The following ZNF266 variants were observed in gnomAD, a reference collection of about 807,000 sequenced individuals.
The protein encoded by ZNF266 is zinc finger protein 1.
Under a neutral mutation model 16.4 loss-of-function variants are expected in ZNF266, and 16 were observed. The ratio of observed to expected loss-of-function variants is 0.98; its 90% CI spans 0.66 to 1.48. The LOEUF is 1.48. Among genes scored for constraint, ZNF266 ranks in the 40% most tolerant of loss-of-function variants. The pLI, the probability that ZNF266 is intolerant of heterozygous loss-of-function variation, is 0.00. For synonymous variants in ZNF266, 262 were observed against 237.9 expected, an observed-to-expected ratio of 1.10 and a Z score of -0.93; for missense variants, 738 against 689.1, an observed-to-expected ratio of 1.07 and a Z score of -0.79.
Position 9,434,879 on chromosome 19 carries a change from A to C in ZNF266, c.-471-20T>G, listed in dbSNP as rs1268718403. On this transcript the variant is annotated intron_variant, in intron 2 of 10. Transcript: ENST00000592904. ...ACAGGCCTAGGAAGTTCAGATAAAA[A>C]GAATAGCTGAGTATTCTTGCTTTTC... The C allele has an allele frequency of 1.3e-5, 2 of 152,206 alleles. No individual in the cohort carries two copies. Among genetic ancestry groups the C allele is most frequent in the African/African-American group, 4.8e-5 (2 of 41,448 alleles). The allele number at this position is 152,206 out of a possible 1,614,324, so 9.4% of individuals were successfully genotyped here. A position where few individuals can be genotyped will look rare whatever the true frequency, so the allele number is the denominator to read the frequency against.
intron 9 of ZNF266, among the ~76,000 whole-genome samples, chr19:9,417,520 A>G (rs529804827): frequency 6.6e-6 from 1 of 152,184 alleles, no homozygotes; most frequent in Non-Finnish European, 1.5e-5. Flanking sequence ...TGAGATCAGG[A>G]GTTTGAGACC....
intron 5 of ZNF266, among the ~76,000 whole-genome samples, chr19:9,421,662 C>T (rs2069903806): frequency 6.6e-6 from 1 of 152,130 alleles, no homozygotes; most frequent in South Asian, 2.1e-4. Flanking sequence ...AATGTACATC[C>T]TATCTTCATT....
chr19:9,432,353 T>C (rs62103915), intron 5 of ZNF266, among the ~76,000 whole-genome samples: 12,648 of 152,272 alleles, frequency 0.083, 618 homozygotes, highest in South Asian at 0.21. Context: ...GTTTTTGAAA[T>C]TGGTTTGCCA....
intron 5 of ZNF266, among the ~76,000 whole-genome samples, chr19:9,421,497 CAA>C (rs2069878904): frequency 6.6e-6 from 1 of 152,162 alleles, no homozygotes. Context: ...AAAGCCTAAA[CAA>C]GATATAAAAC....
chr19:9,415,209 C>T (rs1027577665), intron 10 of ZNF266, among the ~76,000 whole-genome samples: 2 of 152,132 alleles, frequency 1.3e-5, no homozygotes, highest in East Asian at 1.9e-4. Context: ...GCACAAGAAT[C>T]GCTTGAACCC....
At position 9,413,478 on chromosome 19, in the gene ZNF266, T is replaced by C. The variant is rs762919177; in HGVS notation, c.1648A>G (p.Met550Val). 4.3e-6 allele frequency: 7 copies of C among 1,612,946 alleles called. No homozygotes were observed. The highest frequency in any genetic ancestry group is 1.7e-5 in the Admixed American group (1 of 59,984). ...GGTTTTTCTCCAGTGTGGATCCGCA[T>C]GTGAAGGTTAACACACGTGGGAAAC... ...FKFPTCVNLH[M>V]RIHTGEKPYK... is the part of the protein sequence containing the mutation. The change falls in exon 11 of 11, where the codon ATG (methionine) becomes GTG (valine). Residue 550 changes from methionine to valine, a missense_variant. Coordinates refer to ENST00000592904, the MANE Select transcript of ZNF266 (RefSeq NM_001370374.1).
Position 9,413,820 on chromosome 19 carries a change from TAGTA to T in ZNF266, c.1302_1305del (p.Thr435SerfsTer59). ...TCTCCACTGTGAGTTCGTGCATGCT[TAGTA>T]AGGTCTGAGTTCTGAGTGAAGGCTT... On this transcript the variant is annotated frameshift_variant, in exon 11 of 11. Transcript: ENST00000592904. LOFTEE classifies it low-confidence loss of function (END_TRUNC). 1 of 1,614,112 alleles carries T rather than the reference TAGTA, an allele frequency of 6.2e-7. No individual in the cohort carries two copies. Among genetic ancestry groups the T allele is most frequent in the Non-Finnish European group, 8.5e-7 (1 of 1,179,996 alleles).
intron 10 of ZNF266, among the ~76,000 whole-genome samples, chr19:9,415,190 C>G (rs7254687): frequency 0.61 from 92,598 of 152,010 alleles, 28,821 homozygotes; most frequent in African/African-American, 0.73. Context: ...AGCTACTCAG[C>G]AGGGTGAGGC....
chr19:9,421,112 T>C (rs2069808167), intron 5 of ZNF266, among the ~76,000 whole-genome samples: 1 of 152,288 alleles, frequency 6.6e-6, no homozygotes, highest in Middle Eastern at 3.4e-3. Context: ...AGAACAACAG[T>C]GCAAATGCTG....
rs750739577 is a variant in ZNF266 at position 9,414,443 on chromosome 19, G to C, written c.683C>G (p.Ser228Cys). 4 of 1,614,180 alleles carry C rather than the reference G, an allele frequency of 2.5e-6. No homozygotes were observed. Among genetic ancestry groups the C allele is most frequent in the Non-Finnish European group, 3.4e-6 (4 of 1,180,028 alleles). Residue 228 changes from serine to cysteine, a missense_variant, in exon 11 of 11, where the codon TCT becomes TGT. Ser to Cys is a moderately radical substitution (Grantham distance 112). Coordinates refer to ENST00000592904, the MANE Select transcript of ZNF266 (RefSeq NM_001370374.1). The stretch of plus-strand genomic sequence containing the variant: ...TGAATGATTAATGAAGGATTTCCCA[G>C]AGTCACTGCAATCAAAAGCTTTCTC... ...TGEKAFDCSD[S>C]GKSFINHSHL...
intron 5 of ZNF266, among the ~76,000 whole-genome samples, chr19:9,433,466 G>C (rs2071952242): frequency 6.6e-6 from 1 of 152,122 alleles, no homozygotes; most frequent in Non-Finnish European, 1.5e-5. Flanking sequence ...AACAACGAGA[G>C]AAGTTTTGTC....
chr19:9,412,448 TTA>T lies in ZNF266; in HGVS notation c.*825_*826del, dbSNP rs1406608202. The T allele has an allele frequency of 2.0e-5, 3 of 152,240 alleles. No individual in the cohort carries two copies. The highest frequency in any genetic ancestry group is 4.4e-5 in the Non-Finnish European group (3 of 68,050). The allele number at this position is 152,240 out of a possible 1,614,324, so 9.4% of individuals were successfully genotyped here. ...AAAAAATAATCACAAAAAAATTTTATTATGTTTGAAGAAAGCTTAAAAATTTG... is the reference window on the plus strand; with the variant it reads ...AAAAAATAATCACAAAAAAATTTTATTGTTTGAAGAAAGCTTAAAAATTTG... On this transcript the variant is annotated 3_prime_UTR_variant, in exon 11 of 11. Transcript: ENST00000592904.
chr19:9,432,568 A>T (rs2071776445), intron 5 of ZNF266, among the ~76,000 whole-genome samples: 2 of 152,142 alleles, frequency 1.3e-5, no homozygotes. Flanking sequence ...AACAAAGCGA[A>T]TTTTTTCACA....
chr19:9,417,414 G>C (rs2122898042), intron 9 of ZNF266, among the ~76,000 whole-genome samples: 1 of 151,782 alleles, frequency 6.6e-6, no homozygotes, highest in African/African-American at 2.4e-5. Context: ...AACACTGTGA[G>C]ATGAAGCACA....
intron 5 of ZNF266, among the ~76,000 whole-genome samples, chr19:9,425,941 G>T (rs2070677747): frequency 6.6e-6 from 1 of 152,126 alleles, no homozygotes; most frequent in Non-Finnish European, 1.5e-5. Context: ...CCAATCAAAG[G>T]GTTAGCGGAG....
intron 5 of ZNF266, among the ~76,000 whole-genome samples, chr19:9,431,740 T>A (rs1008555445): frequency 3.9e-5 from 6 of 152,292 alleles, no homozygotes; most frequent in African/African-American, 1.4e-4. Context: ...AACTCCCGCC[T>A]GAGTAACCCA....
chr19:9,435,054 C>A (rs2123598404), intron 2 of ZNF266, 54 bp downstream of exon 2: 1 of 152,278 alleles, frequency 6.6e-6, no homozygotes, highest in Non-Finnish European at 1.5e-5. Context: ...AACAAATTCT[C>A]AGATAAAACA....
intron 4 of ZNF266, 121 bp downstream of exon 4, chr19:9,433,954 G>A (rs547324074): frequency 4.9e-4 from 75 of 152,224 alleles, no homozygotes; most frequent in African/African-American, 1.7e-3. Context: ...CTGGAGCCTG[G>A]CAACAGCGAA....
At chr19:9,430,418 C>T (rs145993879) in intron 5 of ZNF266, among the ~76,000 whole-genome samples, 96 of 152,216 alleles carry the variant, frequency 6.3e-4, no homozygotes, top group Non-Finnish European at 8.1e-4. Flanking sequence ...TTGATCGTCC[C>T]GCAACACTAC....
Sources: gnomAD v4.1 joint callset for allele counts (sites outside exome capture counted in the v4.1 genomes callset) on GRCh38, gnomAD v4.1.1 for gene constraint, MANE v1.5 for transcripts, NCBI Gene and HGNC (gene_info 2026-07-23, HGNC 2026-07-21) for gene names.